PIP5KL1: variants seen among roughly 807,000 people sequenced by gnomAD.
PIP5KL1 encodes the protein phosphatidylinositol-4-phosphate 5-kinase like 1, also known as phosphatidylinositol 4-phosphate 5-kinase-like protein 1.
A neutral mutation model predicts 47.6 loss-of-function variants in PIP5KL1; 45 were observed. That is an observed-to-expected ratio of 0.94 (90% CI 0.74 to 1.21). PIP5KL1 has a LOEUF of 1.21. Among genes scored for constraint, PIP5KL1 ranks in the 50% most tolerant of loss-of-function variants. The pLI is 0.00. For missense variants in PIP5KL1, 577 were observed against 547.6 expected (o/e 1.05, Z -0.54); for synonymous variants, 256 against 234.6 (o/e 1.09, Z -0.84).
At chr9:127,923,804 G>A (rs1162039873) in intron 9 of PIP5KL1, among the ~76,000 whole-genome samples, 1 of 152,230 alleles carries the variant, frequency 6.6e-6, no homozygotes, top group Non-Finnish European at 1.5e-5. Flanking sequence ...GACCACAGGG[G>A]TGGGCCTGAG....
At chr9:127,926,288 A>C (rs1326147449) in intron 7 of PIP5KL1, among the ~76,000 whole-genome samples, 4 of 122,226 alleles carry the variant, frequency 3.3e-5, no homozygotes. Context: ...AGAAGGTCTT[A>C]CTCTGTCACC....
At chr9:127,922,713 A>G (rs1831305089) in intron 9 of PIP5KL1, among the ~76,000 whole-genome samples, 1 of 138,422 alleles carries the variant, frequency 7.2e-6, no homozygotes, top group African/African-American at 2.7e-5. Context: ...AAAAAAAAAG[A>G]AAAAAGAAAA....
rs779255250 is a variant in PIP5KL1 at position 127,921,718 on chromosome 9, ATTAG to A, written c.*125_*128del. ...TCAAACGGGACTGCGCGGTTACGGTATTAGTTAGGGGATGCTGCCCTCTGGCGAC... is the reference window on the plus strand; with the variant it reads ...TCAAACGGGACTGCGCGGTTACGGTATTAGGGGATGCTGCCCTCTGGCGAC... On this transcript the variant is annotated 3_prime_UTR_variant, in exon 10 of 10. Coordinates refer to ENST00000388747, the MANE Select transcript of PIP5KL1 (RefSeq NM_001135219.2). The A allele has an allele frequency of 1.2e-4, 155 of 1,246,946 alleles. No homozygotes were observed. Among genetic ancestry groups the A allele is most frequent in the Non-Finnish European group, 1.6e-4 (146 of 925,334 alleles). 77.2% of individuals were successfully genotyped at this position (1,246,946 alleles called of 1,614,324 possible). A position where few individuals can be genotyped will look rare whatever the true frequency, so the allele number is the denominator to read the frequency against.
intron 7 of PIP5KL1, among the ~76,000 whole-genome samples, chr9:127,926,572 G>A (rs1831365605): frequency 6.6e-6 from 1 of 152,094 alleles, no homozygotes; most frequent in South Asian, 2.1e-4. Context: ...GCTGAACCCC[G>A]GCCTATTATT....
intron 9 of PIP5KL1, among the ~76,000 whole-genome samples, chr9:127,922,489 G>T (rs532519042): frequency 6.6e-6 from 1 of 152,224 alleles, no homozygotes; most frequent in Non-Finnish European, 1.5e-5. Flanking sequence ...CCTGAGGTCA[G>T]AAGTCGGAGA....
In PIP5KL1 at chr9:127,928,481, C is replaced by A; in HGVS notation, c.231G>T (p.Gly77=). ...CCGAGAAATCGTCCCGGGAGGGCGG[C>A]CCCTGCAGGGAGAGGTAGAGGAGCT... The part of the protein sequence containing the change: ...TQVSMDHPPT[G]PPSRDDFSEV... Residue 77 remains glycine (G), a splice_region_variant and synonymous_variant, in exon 3 of 10, where the codon GGG becomes GGT. Coordinates refer to ENST00000388747, the MANE Select transcript of PIP5KL1 (RefSeq NM_001135219.2). 6.3e-7 allele frequency: 1 copy of A among 1,592,244 alleles called. No individual in the cohort carries two copies.
Position 127,925,257 on chromosome 9 carries a change from G to A in PIP5KL1, c.767C>T (p.Pro256Leu), listed in dbSNP as rs1455318432. Residue 256 changes from proline to leucine, a missense_variant, in exon 9 of 10, where the codon CCC (proline) becomes CTC (leucine). Pro to Leu is a moderately conservative substitution (Grantham distance 98). Transcript: ENST00000388747. ...NFQGKTINLGPQRSWFLRQME... is the reference protein window; with the variant it reads ...NFQGKTINLGLQRSWFLRQME... ...CTGGCGGAGGAACCAGCTCCGCTGG[G>A]GCCCTGCCGGAGCATCAGTGCCCCC... The A allele has an allele frequency of 1.9e-6, 3 of 1,612,014 alleles. No homozygotes were observed. Among genetic ancestry groups the A allele is most frequent in the Non-Finnish European group, 2.5e-6 (3 of 1,179,980 alleles).
Position 127,930,662 on chromosome 9 carries a change from G to A in PIP5KL1, c.30+61C>T, listed in dbSNP as rs542397333. ...GCGTGTCCGCGCCGCTCGCCGAGGG[G>A]AGGCCCGGCCCCTGCCCACCAACCC... is the stretch of plus-strand genomic sequence containing the variant. On this transcript the variant is annotated intron_variant, in intron 1 of 9. Coordinates refer to ENST00000388747, the MANE Select transcript of PIP5KL1 (RefSeq NM_001135219.2). 3.0e-3 allele frequency: 4,383 copies of A among 1,467,244 alleles called. 9 individuals carry two copies. Among genetic ancestry groups the A allele is most frequent in the Non-Finnish European group, 3.5e-3 (3,853 of 1,103,360 alleles). 90.9% of individuals were successfully genotyped at this position (1,467,244 alleles called of 1,614,324 possible).
rs1486095154 is a variant in PIP5KL1 at position 127,928,048 on chromosome 9, C to A, written c.434+17G>T. On this transcript the variant is annotated intron_variant, in intron 4 of 9. Coordinates refer to ENST00000388747, the MANE Select transcript of PIP5KL1 (RefSeq NM_001135219.2). ...GGTACCACTCCCACCCCTGCCCCAC[C>A]CCTGCCGCAAGCTCACGACAGGAAG... is the stretch of plus-strand genomic sequence containing the variant. The A allele has an allele frequency of 6.5e-7, 1 of 1,536,726 alleles. No homozygotes were observed. The highest frequency in any genetic ancestry group is 8.7e-7 in the Non-Finnish European group (1 of 1,143,656).
chr9:127,922,100 G>A lies in PIP5KL1; in HGVS notation c.932C>T (p.Ala311Val). 1 of 1,541,230 alleles carries A rather than the reference G, an allele frequency of 6.5e-7. No individual in the cohort carries two copies. Among genetic ancestry groups the A allele is most frequent in the Non-Finnish European group, 8.7e-7 (1 of 1,145,418 alleles). ...IFRTARSVQG[A>V]QSPEESRAQN... The stretch of plus-strand genomic sequence containing the variant: ...GGCTCTCGACTCTTCCGGGCTCTGT[G>A]CCCCTTGCACAGACCTGGGGGCCGA... The change falls in exon 10 of 10, where the codon GCA becomes GTA. Residue 311 changes from alanine (A) to valine (V), a missense_variant. Ala to Val is a moderately conservative substitution (Grantham distance 64). Transcript: ENST00000388747.
intron 8 of PIP5KL1, 94 bp downstream of exon 8, chr9:127,925,773 C>T: frequency 1.8e-6 from 2 of 1,113,346 alleles, no homozygotes; most frequent in Non-Finnish European, 2.7e-6. Flanking sequence ...CGAATCTGGG[C>T]TCTTAATAAC....
At chr9:127,928,881 G>C (rs752350535) in intron 2 of PIP5KL1, 1 of 235,708 alleles carries the variant, frequency 4.2e-6, no homozygotes, top group African/African-American at 2.3e-5. Context: ...AGCCTTCCTG[G>C]GGGTGGAGAC....
rs1285289036 is a variant in PIP5KL1, at chr9:127,929,818, C to A, written c.98G>T (p.Arg33Leu). ...VTSSRRGLLW[R>L]LRDKQSRLGL... ...CAGGCGAGACTGCTTGTCTCGGAGG[C>A]GCCAGAGAAGCCCCCGCCGGCTGGA... The change falls in exon 2 of 10, where the codon CGC becomes CTC. Residue 33 changes from arginine (R) to leucine (L), a missense_variant. Arg to Leu is a moderately radical substitution (Grantham distance 102). Coordinates refer to ENST00000388747, the MANE Select transcript of PIP5KL1 (RefSeq NM_001135219.2). The surrounding 1 kb of genome is among the most constrained non-coding windows in gnomAD (Gnocchi z 4.0). 6.5e-7 allele frequency: 1 copy of A among 1,549,808 alleles called. No individual in the cohort carries two copies. Among genetic ancestry groups the A allele is most frequent in the Non-Finnish European group, 8.7e-7 (1 of 1,147,420 alleles).
At position 127,921,636 on chromosome 9, in the gene PIP5KL1, G is replaced by T; in HGVS notation, c.*211C>A. On this transcript the variant is annotated 3_prime_UTR_variant, in exon 10 of 10. Coordinates refer to ENST00000388747, the MANE Select transcript of PIP5KL1 (RefSeq NM_001135219.2). ...AAAGAGAATAATAGCATTTTTTGAG[G>T]ATTAAATGAGCTAAAGTAGGGGAGT... is the stretch of plus-strand genomic sequence containing the variant. The T allele has an allele frequency of 1.5e-6, 1 of 649,382 alleles. No individual in the cohort carries two copies. Among genetic ancestry groups the T allele is most frequent in the Non-Finnish European group, 2.6e-6 (1 of 389,262 alleles). The allele number at this position is 649,382 out of a possible 1,614,324, so 40.2% of individuals were successfully genotyped here. A position where few individuals can be genotyped will look rare whatever the true frequency, so the allele number is the denominator to read the frequency against.
intron 9 of PIP5KL1, among the ~76,000 whole-genome samples, chr9:127,923,781 T>A (rs1831322748): frequency 6.6e-6 from 1 of 152,208 alleles, no homozygotes. Flanking sequence ...TTAGCTCCTA[T>A]GTAATTCTGT....
chr9:127,929,587 T>C lies in PIP5KL1; in HGVS notation c.228+101A>G. The C allele has an allele frequency of 8.3e-7, 1 of 1,205,284 alleles. No individual in the cohort carries two copies. The highest frequency in any genetic ancestry group is 1.6e-5 in the South Asian group (1 of 60,988). 74.7% of individuals were successfully genotyped at this position (1,205,284 alleles called of 1,614,324 possible). Reference sequence around the variant, plus strand: ...CCTCTCTGCCTTCCTCCCCTTGATATCCCTCTCTGATCCCCACACCTGCAG... The same window carrying C: ...CCTCTCTGCCTTCCTCCCCTTGATACCCCTCTCTGATCCCCACACCTGCAG... On this transcript the variant is annotated intron_variant, in intron 2 of 9. Coordinates refer to ENST00000388747, the MANE Select transcript of PIP5KL1 (RefSeq NM_001135219.2). The surrounding 1 kb of genome is among the most constrained non-coding windows in gnomAD (Gnocchi z 4.0).
Position 127,929,632 on chromosome 9 carries a change from C to T in PIP5KL1, c.228+56G>A, listed in dbSNP as rs906854725. Reference sequence around the variant, plus strand: ...CTGCAGTTTCAGCCAGACAGGGCATCAGCCAAGTCTTGCCATTGCTGGTGT... The same window carrying T: ...CTGCAGTTTCAGCCAGACAGGGCATTAGCCAAGTCTTGCCATTGCTGGTGT... On this transcript the variant is annotated intron_variant, in intron 2 of 9. Coordinates refer to ENST00000388747, the MANE Select transcript of PIP5KL1 (RefSeq NM_001135219.2). The surrounding 1 kb of genome is among the most constrained non-coding windows in gnomAD (Gnocchi z 4.0). 1 of 1,453,968 alleles carries T rather than the reference C, an allele frequency of 6.9e-7. No individual in the cohort carries two copies. The highest frequency in any genetic ancestry group is 2.3e-5 in the Admixed American group (1 of 42,692). 90.1% of individuals were successfully genotyped at this position (1,453,968 alleles called of 1,614,324 possible). A position where few individuals can be genotyped will look rare whatever the true frequency, so the allele number is the denominator to read the frequency against.
Position 127,928,496 on chromosome 9 carries a change from G to T in PIP5KL1, c.229-13C>A, listed in dbSNP as rs769037769. On this transcript the variant is annotated splice_polypyrimidine_tract_variant and intron_variant, in intron 2 of 9. Transcript: ENST00000388747. ...GGGAGGGCGGCCCCTGCAGGGAGAG[G>T]TAGAGGAGCTCAGGGCAACCCTCAG... 5.7e-6 allele frequency: 9 copies of T among 1,583,008 alleles called. No individual in the cohort carries two copies. Among genetic ancestry groups the T allele is most frequent in the Non-Finnish European group, 7.7e-6 (9 of 1,167,040 alleles).
intron 8 of PIP5KL1, 42 bp downstream of exon 8, chr9:127,925,825 T>C: frequency 6.6e-7 from 1 of 1,510,292 alleles, no homozygotes; most frequent in Non-Finnish European, 9.2e-7. Flanking sequence ...AACTTCACCC[T>C]GAATGAAGGA....
Sources: gnomAD v4.1 joint callset for allele counts (sites outside exome capture counted in the v4.1 genomes callset) on GRCh38, gnomAD v4.1.1 for gene constraint, Gnocchi (gnomAD v3.1) non-coding constraint, MANE v1.5 for transcripts, NCBI Gene and HGNC (gene_info 2026-07-23, HGNC 2026-07-21) for gene names.